Variants in SAMD14 observed in about 807,000 individuals in gnomAD.
The protein encoded by SAMD14 is sterile alpha motif domain-containing protein 14.
In SAMD14, 27 loss-of-function variants were observed where a neutral mutation model predicts 46.2. That is an observed-to-expected ratio of 0.58 (90% confidence interval 0.43 to 0.81). The LOEUF (loss-of-function observed/expected upper bound fraction) is 0.81. Among genes scored for constraint, SAMD14 ranks in the 30% least tolerant of loss-of-function variants. SAMD14 has a pLI of 0.00. For synonymous variants in SAMD14, 241 were observed against 254.3 expected (o/e 0.95, Z 0.50); for missense variants, 559 against 582.2 (o/e 0.96, Z 0.41).
chr17:50,117,675 G>T lies in SAMD14; in HGVS notation c.231C>A (p.Ser77Arg), dbSNP rs1234189274. The T allele has an allele frequency of 1.4e-6, 2 of 1,474,150 alleles. No individual in the cohort carries two copies. Among genetic ancestry groups the T allele is most frequent in the Non-Finnish European group, 8.9e-7 (1 of 1,120,276 alleles). The allele number at this position is 1,474,150 out of a possible 1,614,324, so 91.3% of individuals were successfully genotyped here. A position where few individuals can be genotyped will look rare whatever the true frequency, so the allele number is the denominator to read the frequency against. ...AAGGCGAGCGCAGCCGGTGCAGGGG[G>T]CTCCCGCAGCCATCGGTCACCTGGA... is the stretch of plus-strand genomic sequence containing the variant. Reference protein sequence around the residue: ...PGGKVTDGCGSPLHRLRSPLH... With the variant: ...PGGKVTDGCGRPLHRLRSPLH... The change falls in exon 4 of 10, where the codon AGC (serine) becomes AGA (arginine). Residue 77 changes from serine to arginine, a missense_variant. Transcript: ENST00000330175.
intron 2 of SAMD14, among the ~76,000 whole-genome samples, chr17:50,122,110 C>T (rs1911530925): frequency 6.6e-6 from 1 of 152,230 alleles, no homozygotes; most frequent in Non-Finnish European, 1.5e-5. Flanking sequence ...CACCTCCATC[C>T]CTATGCTCCA....
Position 50,115,539 on chromosome 17 carries a change from G to T in SAMD14, c.822+25C>A, listed in dbSNP as rs1435300839. On this transcript the variant is annotated intron_variant, in intron 7 of 9. Coordinates refer to ENST00000330175, the MANE Select transcript of SAMD14 (RefSeq NM_001257359.2). This position sits in a 1 kb window ranked among gnomAD's most constrained non-coding sequence, Gnocchi z 5.3. The stretch of plus-strand genomic sequence containing the variant: ...GTCACCTGAGACTGGGGGCCAGTTT[G>T]GGGACAAGAAAGGCATGGACTTACC... 3 of 1,512,014 alleles carry T rather than the reference G, an allele frequency of 2.0e-6. No homozygotes were observed. The highest frequency in any genetic ancestry group is 1.4e-5 in the African/African-American group (1 of 71,710). 93.7% of individuals were successfully genotyped at this position (1,512,014 alleles called of 1,614,324 possible).
rs1043517952 is a variant in SAMD14 at position 50,113,254 on chromosome 17, G to A, written c.1099-206C>T. 4 of 587,858 alleles carry A rather than the reference G, an allele frequency of 6.8e-6. No homozygotes were observed. In the Admixed American group the frequency reaches 1.3e-4, roughly 19 times the overall value. The allele number at this position is 587,858 out of a possible 1,614,324, so 36.4% of individuals were successfully genotyped here. On this transcript the variant is annotated intron_variant, in intron 9 of 9. Transcript: ENST00000330175. ...GAATGAGTGTGGTTGGGAAAGATGA[G>A]GGTTGGGGGTATTAGGCGCTTCCTC...
chr17:50,117,347 C>T (rs943888659), intron 4 of SAMD14, 60 bp downstream of exon 4: 9 of 1,261,560 alleles, frequency 7.1e-6, no homozygotes, highest in African/African-American at 1.6e-5. Flanking sequence ...GCGCCGGGAC[C>T]GGGAGGGCTG....
chr17:50,118,496 G>A (rs576341829), intron 2 of SAMD14, among the ~76,000 whole-genome samples, 169 bp from the exon 3 acceptor site: 41 of 152,368 alleles, frequency 2.7e-4, no homozygotes, highest in South Asian at 1.2e-3. Flanking sequence ...TCTCAGGTGG[G>A]AGTGGGCGGG....
rs1299191493 is a variant in SAMD14, at chr17:50,115,538, T to G, written c.822+26A>C. On this transcript the variant is annotated intron_variant, in intron 7 of 9. Transcript: ENST00000330175. The surrounding 1 kb of genome is among the most constrained non-coding windows in gnomAD (Gnocchi z 5.3). Reference sequence around the variant, plus strand: ...TGTCACCTGAGACTGGGGGCCAGTTTGGGGACAAGAAAGGCATGGACTTAC... The same window carrying G: ...TGTCACCTGAGACTGGGGGCCAGTTGGGGGACAAGAAAGGCATGGACTTAC... 3 of 1,511,234 alleles carry G rather than the reference T, an allele frequency of 2.0e-6. No individual in the cohort carries two copies. Among genetic ancestry groups the G allele is most frequent in the Non-Finnish European group, 2.7e-6 (3 of 1,127,976 alleles). 93.6% of individuals were successfully genotyped at this position (1,511,234 alleles called of 1,614,324 possible). A position where few individuals can be genotyped will look rare whatever the true frequency, so the allele number is the denominator to read the frequency against.
At chr17:50,126,305 A>ATT (rs397856571) in intron 1 of SAMD14, among the ~76,000 whole-genome samples, 5,678 of 139,524 alleles carry the variant, frequency 0.041, 272 homozygotes, top group African/African-American at 0.11. Context: ...AGCCTTGGGA[A>ATT]TTTTTTTTTT....
chr17:50,114,428 C>T (rs755509569), intron 7 of SAMD14, 122 bp from the exon 8 acceptor site: 26 of 1,613,484 alleles, frequency 1.6e-5, no homozygotes, highest in Non-Finnish European at 2.2e-5. Flanking sequence ...TGTGCATGAG[C>T]CAGGAGCTGG....
intron 2 of SAMD14, among the ~76,000 whole-genome samples, chr17:50,123,192 G>A (rs1008077153): frequency 6.6e-6 from 1 of 152,248 alleles, no homozygotes; most frequent in Non-Finnish European, 1.5e-5. Flanking sequence ...ATTTGCCCGA[G>A]GGCATAAAGC....
Position 50,113,045 on chromosome 17 carries a change from G to T in SAMD14, c.1102C>A (p.Leu368Met), listed in dbSNP as rs763290114. ...CGGTCATGAGAGTTGCTGAGCCCCA[G>T]GCTCTGGGGAGGAGTCCGGGGTGAG... ...LQLDGSKLKS[L>M]GLSNSHDRAL... The change falls in exon 10 of 10, where the codon CTG (leucine) becomes ATG (methionine). Residue 368 changes from leucine (L) to methionine (M), a missense_variant. By Grantham distance (15) the Leu-to-Met change is conservative (BLOSUM62 2). Coordinates refer to ENST00000330175, the MANE Select transcript of SAMD14 (RefSeq NM_001257359.2). 3 of 1,611,792 alleles carry T rather than the reference G, an allele frequency of 1.9e-6. No homozygotes were observed. In the South Asian group the frequency reaches 3.3e-5, roughly 18 times the overall value.
At chr17:50,128,217 C>T (rs1261803376) in intron 1 of SAMD14, among the ~76,000 whole-genome samples, 1 of 152,112 alleles carries the variant, frequency 6.6e-6, no homozygotes, top group Non-Finnish European at 1.5e-5. Context: ...TGGCTGGAGT[C>T]CTCCTCTTCC....
Position 50,127,601 on chromosome 17 carries a change from CA to C in SAMD14, c.-13+1915del, listed in dbSNP as rs60461771. Among the ~76,000 whole-genome samples the C allele has an allele frequency of 8.2e-4, 114 of 139,136 alleles. 1 individual carries two copies. Among genetic ancestry groups the C allele is most frequent in the African/African-American group, 2.5e-3 (94 of 38,074 alleles). The allele number at this position is 139,136 out of a possible 152,430, so 91.3% of individuals were successfully genotyped here. ...GGGCAACAAGCGCAAAACTCTGTCT[CA>C]AAAAAAAAAACAAAAAACAAAACCA... On this transcript the variant is annotated intron_variant, in intron 1 of 9. Transcript: ENST00000330175.
Position 50,115,563 on chromosome 17 carries a change from C to T in SAMD14, c.822+1G>A. On this transcript the variant is annotated splice_donor_variant, in intron 7 of 9. Coordinates refer to ENST00000330175, the MANE Select transcript of SAMD14 (RefSeq NM_001257359.2). LOFTEE classifies it high-confidence loss of function. The surrounding 1 kb of genome is among the most constrained non-coding windows in gnomAD (Gnocchi z 5.3). Reference sequence around the variant, plus strand: ...TGGGGACAAGAAAGGCATGGACTTACCTGGGAAGCTGACTTCTTAGGGCTG... The same window carrying T: ...TGGGGACAAGAAAGGCATGGACTTATCTGGGAAGCTGACTTCTTAGGGCTG... 6.5e-7 allele frequency: 1 copy of T among 1,533,916 alleles called. No homozygotes were observed.
At chr17:50,124,193 C>T (rs1252977624) in intron 2 of SAMD14, 1 of 456,026 alleles carries the variant, frequency 2.2e-6, no homozygotes, top group Non-Finnish European at 4.4e-6. Context: ...GGAACTCTGC[C>T]CAGCTGGGGT....
chr17:50,113,556 C>G, intron 9 of SAMD14: 1 of 311,790 alleles, frequency 3.2e-6, no homozygotes, highest in South Asian at 3.6e-5. Context: ...TACCACTAGC[C>G]TCTGAGACAG....
intron 4 of SAMD14, among the ~76,000 whole-genome samples, chr17:50,116,879 G>T (rs1911233506): frequency 1.3e-5 from 2 of 152,110 alleles, no homozygotes; most frequent in African/African-American, 4.8e-5. Flanking sequence ...GGGATGATTT[G>T]ATTGGGTTTT....
In SAMD14 at chr17:50,130,122, G is replaced by A. The variant is rs1911968845; in HGVS notation, c.-618C>T. On this transcript the variant is annotated 5_prime_UTR_variant, in exon 1 of 10. Transcript: ENST00000330175. This position sits in a 1 kb window ranked among gnomAD's most constrained non-coding sequence, Gnocchi z 4.1. ...AGGAGGCGGCTGGGGCCGGGGAGCG[G>A]AGTTGCAGCTACTTCTCTGCCCGCG... 6.6e-6 allele frequency among the ~76,000 whole-genome samples: 1 copy of A among 152,202 alleles called. No homozygotes were observed. Among genetic ancestry groups the A allele is most frequent in the South Asian group, 2.1e-4 (1 of 4,820 alleles).
At chr17:50,117,979 T>C in intron 3 of SAMD14, 182 bp downstream of exon 3, 1 of 727,894 alleles carries the variant, frequency 1.4e-6, no homozygotes, top group Non-Finnish European at 2.1e-6. Context: ...GGGCTAATAA[T>C]ATCTTCTTTA....
chr17:50,118,133 T>C, intron 3 of SAMD14, 28 bp downstream of exon 3: 7 of 1,560,390 alleles, frequency 4.5e-6, no homozygotes, highest in Non-Finnish European at 6.1e-6. Flanking sequence ...TGGGAGGGTG[T>C]ATATGTGTTT....
Sources: allele counts gnomAD v4.1 joint callset (sites outside exome capture counted in the v4.1 genomes callset), GRCh38; gene constraint gnomAD v4.1.1; non-coding constraint Gnocchi (gnomAD v3.1); transcripts MANE v1.5; gene names NCBI Gene and HGNC (gene_info 2026-07-23, HGNC 2026-07-21).